Variants in BRINP2 observed in about 807,000 individuals in gnomAD.
The protein encoded by BRINP2 is BMP/retinoic acid inducible neural specific 2.
In BRINP2, 21 loss-of-function variants were observed where a neutral mutation model predicts 69.2. The observed-to-expected ratio is 0.30, with a 90% CI of 0.22 to 0.44. The LOEUF is 0.44. Among genes scored for constraint, BRINP2 ranks in the 20% least tolerant of loss-of-function variants. The pLI, the probability that BRINP2 is intolerant of heterozygous loss-of-function variation, is 1.00. For missense variants in BRINP2, 877 were observed against 986.0 expected, an observed-to-expected ratio of 0.89 and a Z score of 1.48; for synonymous variants, 380 against 394.1, an observed-to-expected ratio of 0.96 and a Z score of 0.42.
intron 2 of BRINP2, among the ~76,000 whole-genome samples, chr1:177,244,766 C>T (rs1393063806): frequency 1.3e-5 from 2 of 152,104 alleles, no homozygotes; most frequent in Non-Finnish European, 2.9e-5. Context: ...ATTCTGGGGC[C>T]CAGGCTAAAA....
chr1:177,261,664 A>C (rs1650958082), intron 4 of BRINP2, among the ~76,000 whole-genome samples: 1 of 152,236 alleles, frequency 6.6e-6, no homozygotes, highest in African/African-American at 2.4e-5. Flanking sequence ...GAAGATGGAA[A>C]TTTGGTGTGC....
chr1:177,173,273 A>T (rs1186353969), intron 1 of BRINP2, among the ~76,000 whole-genome samples: 1 of 152,244 alleles, frequency 6.6e-6, no homozygotes, highest in Admixed American at 6.5e-5. Context: ...GAAAAGATGC[A>T]TGCCTTGCTT....
chr1:177,247,143 T>C (rs1426032613), intron 2 of BRINP2, among the ~76,000 whole-genome samples: 3 of 152,066 alleles, frequency 2.0e-5, no homozygotes, highest in Non-Finnish European at 1.5e-5. Context: ...GTGGACTGAG[T>C]TCTGTGATGG....
intron 4 of BRINP2, among the ~76,000 whole-genome samples, chr1:177,264,967 A>G (rs1651072274): frequency 6.6e-6 from 1 of 152,208 alleles, no homozygotes; most frequent in African/African-American, 2.4e-5. Flanking sequence ...TAAATTTCAT[A>G]TGGAAACAAA....
At chr1:177,273,387 G>A (rs528382240) in intron 4 of BRINP2, 101 bp from the exon 5 acceptor site, 2 of 708,030 alleles carry the variant, frequency 2.8e-6, no homozygotes, top group Admixed American at 2.8e-5. Context: ...AGCTGGTCAA[G>A]GACAGGATGT....
At chr1:177,223,817 C>T (rs1266408491) in intron 1 of BRINP2, among the ~76,000 whole-genome samples, 1 of 152,020 alleles carries the variant, frequency 6.6e-6, no homozygotes, top group Non-Finnish European at 1.5e-5. Flanking sequence ...CTATTGCTTG[C>T]CAGTTCCATG....
intron 1 of BRINP2, among the ~76,000 whole-genome samples, chr1:177,196,397 C>G (rs974429742): frequency 1.1e-4 from 17 of 152,210 alleles, no homozygotes; most frequent in Non-Finnish European, 2.1e-4. Flanking sequence ...GTGGGTGGAT[C>G]ACCTGAGGTC....
intron 1 of BRINP2, among the ~76,000 whole-genome samples, chr1:177,177,370 T>C (rs1255603470): frequency 6.6e-6 from 1 of 152,204 alleles, no homozygotes; most frequent in Non-Finnish European, 1.5e-5. Flanking sequence ...GACACAATAA[T>C]TGAATTTTTA....
intron 2 of BRINP2, among the ~76,000 whole-genome samples, chr1:177,240,060 G>A (rs1448995924): frequency 1.3e-5 from 2 of 152,186 alleles, no homozygotes; most frequent in South Asian, 4.1e-4. Flanking sequence ...TAAAAACGAG[G>A]TAGCCAGAAC....
intron 2 of BRINP2, among the ~76,000 whole-genome samples, chr1:177,252,663 C>T (rs1318582863): frequency 6.6e-6 from 1 of 152,078 alleles, no homozygotes; most frequent in East Asian, 1.9e-4. Context: ...TAATAGAGCA[C>T]ATAACTTATT....
Position 177,257,158 on chromosome 1 carries a change from T to C in BRINP2, c.461-18T>C, listed in dbSNP as rs1425856498. On this transcript the variant is annotated intron_variant, in intron 3 of 7. Coordinates refer to ENST00000361539, the MANE Select transcript of BRINP2 (RefSeq NM_021165.4). ...AGAGCAGAGAGCGTCACCAATACAC[T>C]CGTGTTGTTCACCATAGGAGAAGAG... 6.2e-7 allele frequency: 1 copy of C among 1,613,232 alleles called. No homozygotes were observed. Among genetic ancestry groups the C allele is most frequent in the Non-Finnish European group, 8.5e-7 (1 of 1,179,402 alleles).
intron 2 of BRINP2, among the ~76,000 whole-genome samples, chr1:177,235,213 G>A (rs1649981742): frequency 6.6e-6 from 1 of 152,126 alleles, no homozygotes; most frequent in Admixed American, 6.5e-5. Flanking sequence ...AGGATCCCCA[G>A]GTGAACAAGA....
At chr1:177,220,218 A>C (rs754279592) in intron 1 of BRINP2, among the ~76,000 whole-genome samples, 7 of 152,178 alleles carry the variant, frequency 4.6e-5, no homozygotes, top group Non-Finnish European at 8.8e-5. Context: ...GGGAGTGGAG[A>C]GCAGGAGGCA....
intron 1 of BRINP2, among the ~76,000 whole-genome samples, chr1:177,184,637 G>T: frequency 6.8e-6 from 1 of 146,538 alleles, no homozygotes; most frequent in South Asian, 2.1e-4. Flanking sequence ...TGAAGGTAGA[G>T]CCTGAGTCTT....
chr1:177,204,744 C>T (rs1649021776), intron 1 of BRINP2, among the ~76,000 whole-genome samples: 1 of 151,980 alleles, frequency 6.6e-6, no homozygotes, highest in Non-Finnish European at 1.5e-5. Context: ...ACAGATTAGC[C>T]AAAATGAAGC....
chr1:177,262,526 C>T (rs1045067769), intron 4 of BRINP2, among the ~76,000 whole-genome samples: 3 of 141,788 alleles, frequency 2.1e-5, no homozygotes, highest in African/African-American at 7.6e-5. Flanking sequence ...AAAAAAAAAG[C>T]CTCCATAGAG....
chr1:177,235,382 A>G (rs1649987864), intron 2 of BRINP2, among the ~76,000 whole-genome samples: 1 of 152,182 alleles, frequency 6.6e-6, no homozygotes, highest in Non-Finnish European at 1.5e-5. Flanking sequence ...TACAGGAGGC[A>G]TTGCAAATAA....
At chr1:177,203,928 G>A (rs561421623) in intron 1 of BRINP2, among the ~76,000 whole-genome samples, 7 of 152,266 alleles carry the variant, frequency 4.6e-5, no homozygotes, top group South Asian at 2.1e-4. Flanking sequence ...CAAGGAAGGC[G>A]TCCTTAAAGC....
At chr1:177,237,516 A>C (rs1316728633) in intron 2 of BRINP2, among the ~76,000 whole-genome samples, 1 of 152,220 alleles carries the variant, frequency 6.6e-6, no homozygotes, top group Non-Finnish European at 1.5e-5. Context: ...ACATTTTCCC[A>C]TGTCTTTGGG....
Sources: gnomAD v4.1 joint callset for allele counts (sites outside exome capture counted in the v4.1 genomes callset) on GRCh38, gnomAD v4.1.1 for gene constraint, MANE v1.5 for transcripts, NCBI Gene and HGNC (gene_info 2026-07-23, HGNC 2026-07-21) for gene names.